Variants in PCDH7 observed in about 807,000 individuals in gnomAD.
The protein encoded by PCDH7 is protocadherin 7, also known as protocadherin-7.
Under a neutral mutation model 58.9 loss-of-function variants are expected in PCDH7, and 17 were observed. The observed-to-expected ratio is 0.29, with a 90% CI of 0.20 to 0.43. PCDH7 has a LOEUF of 0.43. Ranked by LOEUF, PCDH7 falls within the 20% of genes least tolerant of loss-of-function variation. PCDH7 has a pLI of 1.00. For synonymous variants in PCDH7, 664 were observed against 616.4 expected (o/e 1.08, Z -1.14); for missense variants, 1,274 against 1,441.0 (o/e 0.88, Z 1.88).
intron 3 of PCDH7, among the ~76,000 whole-genome samples, chr4:31,108,171 T>A (rs930467537): frequency 1.3e-5 from 2 of 151,972 alleles, no homozygotes; most frequent in African/African-American, 4.8e-5. Flanking sequence ...GTTTATGGTA[T>A]GAAATCTGTA....
chr4:31,132,404 A>G (rs1486428942), intron 3 of PCDH7, among the ~76,000 whole-genome samples: 1 of 152,140 alleles, frequency 6.6e-6, no homozygotes, highest in East Asian at 1.9e-4. Flanking sequence ...GACTTTATGT[A>G]CTATTTTTAA....
intron 3 of PCDH7, among the ~76,000 whole-genome samples, chr4:31,050,121 C>T (rs1295323636): frequency 6.6e-6 from 1 of 152,020 alleles, no homozygotes; most frequent in Non-Finnish European, 1.5e-5. Context: ...TTTGAAGTTC[C>T]CTGTGTTCAG....
At position 31,085,526 on chromosome 4, in the gene PCDH7, C is replaced by T. The variant is rs570368830; in HGVS notation, c.*8-56947C>T. ...AAGTTTCTCCCAAAGTTACTTTAGC[C>T]TACTCCCAGGAATGAACGAGGACAG... On this transcript the variant is annotated intron_variant, in intron 3 of 3. Coordinates refer to the PCDH7 transcript ENST00000509759. Among the ~76,000 whole-genome samples, 5 of 152,198 alleles carry T rather than the reference C, an allele frequency of 3.3e-5. No homozygotes were observed. The South Asian group carries it at 8.3e-4, about 25-fold the overall frequency.
At chr4:31,085,731 G>A (rs969053867) in intron 3 of PCDH7, among the ~76,000 whole-genome samples, 8 of 151,964 alleles carry the variant, frequency 5.3e-5, no homozygotes, top group African/African-American at 1.9e-4. Flanking sequence ...TCCTAATATG[G>A]CAATTGATTA....
chr4:30,942,300 G>A (rs1423513988), intron 2 of PCDH7, among the ~76,000 whole-genome samples: 1 of 151,820 alleles, frequency 6.6e-6, no homozygotes, highest in Non-Finnish European at 1.5e-5. Flanking sequence ...AAAGAAATTA[G>A]TCAAAATTAT....
intron 1 of PCDH7, among the ~76,000 whole-genome samples, chr4:30,892,106 C>A (rs1478771210): frequency 2.0e-5 from 3 of 152,052 alleles, no homozygotes; most frequent in Non-Finnish European, 2.9e-5. Flanking sequence ...AAGGCCCCCA[C>A]TTAACTGGGT....
intron 1 of PCDH7, 142 bp downstream of exon 1, chr4:30,724,738 C>T (rs1714367944): frequency 6.9e-7 from 1 of 1,447,986 alleles, no homozygotes; most frequent in Non-Finnish European, 9.1e-7. Flanking sequence ...ATTTTTGCAC[C>T]ATTAATTTAG....
At chr4:30,958,725 G>T (rs185003537) in intron 3 of PCDH7, among the ~76,000 whole-genome samples, 2 of 151,532 alleles carry the variant, frequency 1.3e-5, no homozygotes, top group Non-Finnish European at 2.9e-5. Flanking sequence ...TAAGAATTTT[G>T]ATATTTATCT....
chr4:31,107,744 A>G (rs1244227204), intron 3 of PCDH7, among the ~76,000 whole-genome samples: 1 of 152,154 alleles, frequency 6.6e-6, no homozygotes, highest in Admixed American at 6.5e-5. Context: ...TTTATAATCT[A>G]GTGGGAAAAA....
chr4:30,876,212 G>A (rs1358253139), intron 1 of PCDH7, among the ~76,000 whole-genome samples: 1 of 152,022 alleles, frequency 6.6e-6, no homozygotes, highest in Non-Finnish European at 1.5e-5. Context: ...ATTCTTACCT[G>A]TTGTCATCTA....
In PCDH7 at chr4:30,721,390, TA is replaced by T; in HGVS notation, c.-32del. On this transcript the variant is annotated 5_prime_UTR_variant, in exon 1 of 2. An upstream open reading frame in the 5' UTR gains an earlier in-frame stop. Coordinates refer to ENST00000361762, the Ensembl canonical transcript of PCDH7. The surrounding 1 kb of genome is among the most constrained non-coding windows in gnomAD (Gnocchi z 6.7). ...AGGGGGGCGCCGAGGGGGCTGTGGT[TA>T]GAAGGAGCAGTAGCAGCAGCAGCAG... The T allele has an allele frequency of 6.9e-7, 1 of 1,454,638 alleles. No homozygotes were observed. 90.1% of individuals were successfully genotyped at this position (1,454,638 alleles called of 1,614,324 possible).
chr4:30,812,743 G>A (rs1027668180), intron 1 of PCDH7, among the ~76,000 whole-genome samples: 1 of 152,004 alleles, frequency 6.6e-6, no homozygotes, highest in African/African-American at 2.4e-5. Context: ...ATAATGATGG[G>A]AAAACATTAT....
chr4:30,867,948 G>C (rs949876341), intron 1 of PCDH7, among the ~76,000 whole-genome samples: 1 of 151,986 alleles, frequency 6.6e-6, no homozygotes, highest in African/African-American at 2.4e-5. Flanking sequence ...AATCATGCTG[G>C]TTTTTCTATA....
intron 3 of PCDH7, among the ~76,000 whole-genome samples, chr4:31,097,983 AG>A (rs1457851027): frequency 6.6e-6 from 1 of 152,116 alleles, no homozygotes; most frequent in African/African-American, 2.4e-5. Flanking sequence ...ATGATTTTTT[AG>A]GAAAGATTCT....
intron 1 of PCDH7, among the ~76,000 whole-genome samples, chr4:30,822,231 G>A (rs898770436): frequency 2.4e-4 from 37 of 152,204 alleles, no homozygotes; most frequent in Middle Eastern, 6.8e-3. Flanking sequence ...ACATTTATTT[G>A]CAAGCAACTT....
intron 1 of PCDH7, among the ~76,000 whole-genome samples, chr4:30,864,432 A>AACACACACACAC (rs5857208): frequency 0.014 from 2,087 of 146,646 alleles, 18 homozygotes; most frequent in Non-Finnish European, 0.023. Flanking sequence ...ATTATTGGAG[A>AACACACACACAC]ACACACACAC....
At position 31,141,695 on chromosome 4, in the gene PCDH7, G is replaced by T. The variant is rs115656366; in HGVS notation, c.*8-778G>T. On this transcript the variant is annotated intron_variant, in intron 3 of 3. Coordinates refer to the PCDH7 transcript ENST00000509759. Reference sequence around the variant, plus strand: ...GGACAGCACCATTAATTAGAGTACAGGCTAGTTCATCCAAAGTTTAGTAAC... The same window carrying T: ...GGACAGCACCATTAATTAGAGTACATGCTAGTTCATCCAAAGTTTAGTAAC... Among the ~76,000 whole-genome samples the T allele has an allele frequency of 5.4e-3, 826 of 152,194 alleles. 7 individuals are homozygous for T. Among genetic ancestry groups the T allele is most frequent in the African/African-American group, 0.019 (774 of 41,526 alleles).
chr4:31,136,260 G>A (rs369380962), intron 3 of PCDH7, among the ~76,000 whole-genome samples: 2 of 152,152 alleles, frequency 1.3e-5, no homozygotes, highest in African/African-American at 2.4e-5. Flanking sequence ...ACCATATTAC[G>A]AGCTGTATAG....
At chr4:30,781,393 G>T (rs528714307) in intron 1 of PCDH7, among the ~76,000 whole-genome samples, 2 of 151,976 alleles carry the variant, frequency 1.3e-5, no homozygotes, top group South Asian at 4.2e-4. Flanking sequence ...GCCGGCCTCG[G>T]CCTCCCAAAG....
Sources: gnomAD v4.1 joint callset for allele counts (sites outside exome capture counted in the v4.1 genomes callset) on GRCh38, gnomAD v4.1.1 for gene constraint, Gnocchi (gnomAD v3.1) non-coding constraint, MANE v1.5 for transcripts, NCBI Gene and HGNC (gene_info 2026-07-23, HGNC 2026-07-21) for gene names.